The following TSFM variants were observed in gnomAD, a reference collection of about 807,000 sequenced individuals.
The protein encoded by TSFM is Ts translation elongation factor, mitochondrial, also known as elongation factor Ts, mitochondrial.
In TSFM, 29 loss-of-function variants were observed where a neutral mutation model predicts 33.4. The ratio of observed to expected loss-of-function variants is 0.87; its 90% CI spans 0.65 to 1.18. The LOEUF is 1.18. Among genes scored for constraint, TSFM ranks in the 50% most tolerant of loss-of-function variants. The pLI, the probability that TSFM is intolerant of heterozygous loss-of-function variation, is 0.00. For synonymous variants in TSFM, 178 were observed against 163.5 expected (o/e 1.09, Z -0.68); for missense variants, 394 against 395.6 (o/e 1.00, Z 0.04).
rs946312964 is a variant in TSFM, at chr12:57,797,045, G to T, written c.*462G>T. 4 of 985,462 alleles carry T rather than the reference G, an allele frequency of 4.1e-6. No individual in the cohort carries two copies. In the African/African-American group the frequency reaches 7.0e-5, roughly 17 times the overall value. The allele number at this position is 985,462 out of a possible 1,614,324, so 61.0% of individuals were successfully genotyped here. On this transcript the variant is annotated 3_prime_UTR_variant, in exon 6 of 6. Coordinates refer to ENST00000652027, the MANE Select transcript of TSFM (RefSeq NM_005726.6). ...TCAAACCTAGAGTTGTCTGGAAAAT[G>T]TGGGTTCTCTTCTTTGTGATTGTCT...
At chr12:57,785,316 A>G (rs1350735677) in intron 2 of TSFM, among the ~76,000 whole-genome samples, 2 of 152,178 alleles carry the variant, frequency 1.3e-5, no homozygotes, top group Non-Finnish European at 2.9e-5. Context: ...TGGCATCATC[A>G]TTAACACTGT....
chr12:57,797,338 C>T lies in TSFM; in HGVS notation c.*755C>T. ...TTTCTTCAAGTATAACATAAAATTA[C>T]CGTAACAAGCAGACCCAGAATACTG... On this transcript the variant is annotated 3_prime_UTR_variant, in exon 6 of 6. Coordinates refer to ENST00000652027, the MANE Select transcript of TSFM (RefSeq NM_005726.6). 1.0e-6 allele frequency: 1 copy of T among 985,358 alleles called. No homozygotes were observed. The highest frequency in any genetic ancestry group is 1.2e-6 in the Non-Finnish European group (1 of 829,916). 61.0% of individuals were successfully genotyped at this position (985,358 alleles called of 1,614,324 possible). A position where few individuals can be genotyped will look rare whatever the true frequency, so the allele number is the denominator to read the frequency against.
chr12:57,783,108 AG>A lies in TSFM; in HGVS notation c.58del, dbSNP rs1955535130. ...TCCTCATCCCTTTCTTATCTCATCT[AG>A]GCTGGGTCTCTTCTGCGTCAGTCGC... On this transcript the variant is annotated splice_acceptor_variant, in intron 1 of 5. Coordinates refer to ENST00000652027, the MANE Select transcript of TSFM (RefSeq NM_005726.6). LOFTEE classifies it high-confidence loss of function. 2 of 1,608,074 alleles carry A rather than the reference AG, an allele frequency of 1.2e-6. No homozygotes were observed. Among genetic ancestry groups the A allele is most frequent in the Admixed American group, 3.3e-5 (2 of 59,856 alleles).
At chr12:57,783,988 A>T in intron 2 of TSFM, 1 of 702,942 alleles carries the variant, frequency 1.4e-6, no homozygotes, top group Non-Finnish European at 2.6e-6. Context: ...TAATAGGAAG[A>T]TACATTCTGA....
At chr12:57,795,001 C>T (rs751293408) in intron 5 of TSFM, among the ~76,000 whole-genome samples, 6 of 151,096 alleles carry the variant, frequency 4.0e-5, no homozygotes, top group South Asian at 2.1e-4. Context: ...CCTTGTGATC[C>T]GCCCACCTCG....
intron 2 of TSFM, chr12:57,784,257 A>G (rs1955558768): frequency 1.6e-6 from 1 of 633,302 alleles, no homozygotes; most frequent in Non-Finnish European, 2.8e-6. Flanking sequence ...GGAACTTATC[A>G]TGTATGGAGC....
downstream of TSFM, chr12:57,797,915 C>T: frequency 6.2e-7 from 1 of 1,612,184 alleles, no homozygotes; most frequent in Non-Finnish European, 8.5e-7. Context: ...TCATTTGGAG[C>T]TGTTTCCAGC....
chr12:57,800,030 CTG>C, downstream of TSFM: 1 of 1,369,762 alleles, frequency 7.3e-7, no homozygotes, highest in Non-Finnish European at 1.0e-6. Context: ...ACTTCACCCT[CTG>C]TAATCATCTT....
At chr12:57,799,459 AT>A (rs1955801833), downstream of TSFM, among the ~76,000 whole-genome samples, 1 of 152,212 alleles carries the variant, frequency 6.6e-6, no homozygotes, top group Non-Finnish European at 1.5e-5. Flanking sequence ...GCCGTGCCAT[AT>A]ATTTTAAAGA....
downstream of TSFM, chr12:57,799,856 G>A (rs753367784): frequency 1.9e-6 from 3 of 1,614,004 alleles, no homozygotes; most frequent in Non-Finnish European, 2.5e-6. Flanking sequence ...CAACAGAACT[G>A]CTATAGGGTA....
At chr12:57,801,154 C>G (rs61740317), downstream of TSFM, 2 of 1,613,426 alleles carry the variant, frequency 1.2e-6, no homozygotes, top group African/African-American at 2.7e-5. Flanking sequence ...AGCAGTGATT[C>G]GCATGATAGC....
chr12:57,783,671 G>C (rs995123595), intron 2 of TSFM: 1 of 579,532 alleles, frequency 1.7e-6, no homozygotes, highest in African/African-American at 1.9e-5. Flanking sequence ...TTGGCTCACT[G>C]CAACCTCCGC....
rs757004419 is a variant in TSFM at position 57,796,627 on chromosome 12, C to T, written c.*44C>T. ...CCAGGAGGAATATTTACTTTTAGCT[C>T]TGGACATCATTACAAAAAGGAATAT... On this transcript the variant is annotated 3_prime_UTR_variant, in exon 6 of 6. Coordinates refer to ENST00000652027, the MANE Select transcript of TSFM (RefSeq NM_005726.6). The T allele has an allele frequency of 4.5e-6, 6 of 1,320,480 alleles. No homozygotes were observed. The African/African-American group carries it at 8.9e-5, about 20-fold the overall frequency. The allele number at this position is 1,320,480 out of a possible 1,614,324, so 81.8% of individuals were successfully genotyped here. A position where few individuals can be genotyped will look rare whatever the true frequency, so the allele number is the denominator to read the frequency against.
chr12:57,802,312 C>T (rs139933127), downstream of TSFM: 342 of 1,613,778 alleles, frequency 2.1e-4, 1 homozygote, highest in Admixed American at 3.5e-4. Flanking sequence ...CTCTCCTTCT[C>T]CGTGGCATTG....
chr12:57,788,313 T>C (rs561167152), intron 4 of TSFM, among the ~76,000 whole-genome samples: 6 of 152,212 alleles, frequency 3.9e-5, no homozygotes, highest in African/African-American at 1.4e-4. Context: ...GAAGTCTTGC[T>C]CTGTCACTCA....
At chr12:57,800,052 T>C, downstream of TSFM, 1 of 1,219,178 alleles carries the variant, frequency 8.2e-7, no homozygotes, top group Non-Finnish European at 1.1e-6. Context: ...TTGATAACAA[T>C]GCTCCCCAAA....
chr12:57,786,998 T>C (rs1202097375), intron 3 of TSFM, 42 bp from the exon 4 acceptor site: 3 of 1,586,752 alleles, frequency 1.9e-6, no homozygotes, highest in Non-Finnish European at 2.6e-6. Context: ...TTGGAAATTA[T>C]CATTAAACAG....
chr12:57,784,750 A>G (rs1955566620), intron 2 of TSFM, among the ~76,000 whole-genome samples: 1 of 151,588 alleles, frequency 6.6e-6, no homozygotes, highest in Non-Finnish European at 1.5e-5. Flanking sequence ...TGTGGTGGCA[A>G]GGGCCTGTAA....
chr12:57,789,444 A>G (rs1955633397), intron 4 of TSFM, among the ~76,000 whole-genome samples: 1 of 152,128 alleles, frequency 6.6e-6, no homozygotes, highest in African/African-American at 2.4e-5. Flanking sequence ...GCTCACTGCA[A>G]CCTTCACCTC....
Sources: allele counts gnomAD v4.1 joint callset (sites outside exome capture counted in the v4.1 genomes callset), GRCh38; gene constraint gnomAD v4.1.1; transcripts MANE v1.5; gene names NCBI Gene and HGNC (gene_info 2026-07-23, HGNC 2026-07-21).